Variants in ZNF541 observed in about 807,000 individuals in gnomAD.
ZNF541 encodes the protein zinc finger protein 541.
A neutral mutation model predicts 123.5 loss-of-function variants in ZNF541; 23 were observed. The ratio of observed to expected loss-of-function variants is 0.19; its 90% CI spans 0.13 to 0.26. The LOEUF is 0.26. Ranked by LOEUF, ZNF541 falls within the 10% of genes least tolerant of loss-of-function variation. The pLI is 1.00. For synonymous variants in ZNF541, 751 were observed against 754.5 expected, an observed-to-expected ratio of 1.00 and a Z score of 0.08; for missense variants, 1,612 against 1,789.9, an observed-to-expected ratio of 0.90 and a Z score of 1.79.
At chr19:47,524,356 T>C (rs961911187) in intron 14 of ZNF541, among the ~76,000 whole-genome samples, 6 of 151,920 alleles carry the variant, frequency 3.9e-5, no homozygotes, top group Admixed American at 3.9e-4. Flanking sequence ...ACACAGGTGT[T>C]AGAATGAGCA....
chr19:47,532,817 A>G (rs1969637198), intron 10 of ZNF541, 92 bp downstream of exon 10: 2 of 1,311,440 alleles, frequency 1.5e-6, no homozygotes, highest in African/African-American at 1.5e-5. Context: ...GTAAACCTGA[A>G]CCCCACCATG....
intron 14 of ZNF541, among the ~76,000 whole-genome samples, chr19:47,528,249 A>G (rs1969397419): frequency 7.5e-6 from 1 of 132,604 alleles, no homozygotes; most frequent in Non-Finnish European, 1.6e-5. Context: ...CGGGAGGCGG[A>G]GGTTGCGGTG....
At position 47,538,916 on chromosome 19, in the gene ZNF541, C is replaced by T. The variant is rs78271332; in HGVS notation, c.2797-477G>A. Among the ~76,000 whole-genome samples, 828 of 152,258 alleles carry T rather than the reference C, an allele frequency of 5.4e-3. 5 individuals carry two copies. Among genetic ancestry groups the T allele is most frequent in the Non-Finnish European group, 9.4e-3 (642 of 68,022 alleles). ...GACAAGCCCTACGAGACTGATCACT[C>T]GTAACTCACCATGCTCTCTCTCACT... On this transcript the variant is annotated intron_variant, in intron 8 of 16. Coordinates refer to ENST00000391901, the MANE Select transcript of ZNF541 (RefSeq NM_001277075.3).
chr19:47,545,132 C>G lies in ZNF541; in HGVS notation c.1397G>C (p.Gly466Ala). 1.3e-6 allele frequency: 2 copies of G among 1,482,646 alleles called. No homozygotes were observed. The highest frequency in any genetic ancestry group is 1.3e-5 in the South Asian group (1 of 76,312). 91.8% of individuals were successfully genotyped at this position (1,482,646 alleles called of 1,614,324 possible). Residue 466 changes from glycine to alanine, a missense_variant, in exon 5 of 17, where the codon GGT becomes GCT. Physicochemically the swap from Gly to Ala is moderately conservative, Grantham distance 60. Transcript: ENST00000391901. This position sits in a 1 kb window ranked among gnomAD's most constrained non-coding sequence, Gnocchi z 7.5. ...PSEESPPGPGGGLEDALPFPA... is the reference protein window; with the variant it reads ...PSEESPPGPGAGLEDALPFPA... ...GAAGGGCAGAGCATCCTCCAGGCCACCGCCGGGGCCGGGCGGGGACTCCTC... is the reference window on the plus strand; with the variant it reads ...GAAGGGCAGAGCATCCTCCAGGCCAGCGCCGGGGCCGGGCGGGGACTCCTC...
chr19:47,562,436 C>G (rs1043950417), intron 2 of ZNF541, among the ~76,000 whole-genome samples: 2 of 151,496 alleles, frequency 1.3e-5, no homozygotes, highest in Non-Finnish European at 2.9e-5. Context: ...GCCAGCTACT[C>G]AGGAAGCTGA....
rs573697191 is a variant in ZNF541 at position 47,526,496 on chromosome 19, A to AAAAAAAAAG, written c.3570+2453_3570+2454insCTTTTTTTT. Among the ~76,000 whole-genome samples the AAAAAAAAAG allele has an allele frequency of 8.7e-5, 12 of 137,368 alleles. 1 individual carries two copies. The highest frequency in any genetic ancestry group is 2.7e-4 in the African/African-American group (9 of 33,572). The allele number at this position is 137,368 out of a possible 152,430, so 90.1% of individuals were successfully genotyped here. ...GACTCCATCTCAAAAAAAAAAAAAA[A>AAAAAAAAAG]AAAAGAAAACACAGACATCTCAATA... On this transcript the variant is annotated intron_variant, in intron 14 of 16. Transcript: ENST00000391901.
chr19:47,573,201 T>C (rs976692033), upstream of ZNF541, among the ~76,000 whole-genome samples: 5 of 150,216 alleles, frequency 3.3e-5, no homozygotes, highest in African/African-American at 1.2e-4. Flanking sequence ...CCCCCGGATC[T>C]CCTCGCTCAC....
intron 2 of ZNF541, among the ~76,000 whole-genome samples, chr19:47,556,547 C>T (rs762922986): frequency 7.3e-5 from 11 of 151,510 alleles, no homozygotes; most frequent in African/African-American, 1.9e-4. Flanking sequence ...TGGGCTCAAG[C>T]GATCCTCCCA....
chr19:47,545,693 A>C lies in ZNF541; in HGVS notation c.836T>G (p.Val279Gly). Residue 279 changes from valine (V) to glycine (G), a missense_variant, in exon 5 of 17, where the codon GTG (valine) becomes GGG (glycine). Around this residue, in one of 5 missense-constraint regions of ZNF541, gnomAD observed 1,080 missense variants for 1,013.8 expected, o/e 1.07. Transcript: ENST00000391901. The surrounding 1 kb of genome is among the most constrained non-coding windows in gnomAD (Gnocchi z 7.5). ...LPHRDLLRRI[V>G]SSIVHQKTPS... ...GGTCTTCTGGTGGACGATGCTACTC[A>C]CGATGCGGCGCAGGAGGTCCCGGTG... The C allele has an allele frequency of 6.5e-7, 1 of 1,548,070 alleles. No homozygotes were observed. The highest frequency in any genetic ancestry group is 8.7e-7 in the Non-Finnish European group (1 of 1,146,728).
At chr19:47,534,672 C>G (rs1038393431) in intron 9 of ZNF541, among the ~76,000 whole-genome samples, 3 of 151,656 alleles carry the variant, frequency 2.0e-5, no homozygotes, top group African/African-American at 7.3e-5. Flanking sequence ...AACCACCCCC[C>G]CAAAACAAAA....
At position 47,545,180 on chromosome 19, in the gene ZNF541, C is replaced by G; in HGVS notation, c.1349G>C (p.Gly450Ala). Residue 450 changes from glycine to alanine, a missense_variant, in exon 5 of 17, where the codon GGA (glycine) becomes GCA (alanine). By Grantham distance (60) the Gly-to-Ala change is moderately conservative. Transcript: ENST00000391901. This position sits in a 1 kb window ranked among gnomAD's most constrained non-coding sequence, Gnocchi z 7.5. Reference protein sequence around the residue: ...PSREGSESGPGPSSGSPSEES... With the variant: ...PSREGSESGPAPSSGSPSEES... ...CTCCGAGGGGCTTCCGCTGCTGGGTCCCGGGCCAGACTCGGAGCCCTCCCG... is the reference window on the plus strand; with the variant it reads ...CTCCGAGGGGCTTCCGCTGCTGGGTGCCGGGCCAGACTCGGAGCCCTCCCG... 1.3e-6 allele frequency: 2 copies of G among 1,509,422 alleles called. No individual in the cohort carries two copies. Among genetic ancestry groups the G allele is most frequent in the Non-Finnish European group, 8.9e-7 (1 of 1,126,952 alleles). 93.5% of individuals were successfully genotyped at this position (1,509,422 alleles called of 1,614,324 possible).
In ZNF541 at chr19:47,544,664, C is replaced by T. The variant is rs1337481441; in HGVS notation, c.1865G>A (p.Gly622Asp). The change falls in exon 5 of 17, where the codon GGC (glycine) becomes GAC (aspartate). Residue 622 changes from glycine (G) to aspartate (D), a missense_variant. Around this residue, in one of 5 missense-constraint regions of ZNF541, gnomAD observed 1,080 missense variants for 1,013.8 expected, o/e 1.07. Coordinates refer to ENST00000391901, the MANE Select transcript of ZNF541 (RefSeq NM_001277075.3). ...GGTTTTTCTCCTGCGGGCTGGGGAG[C>T]CCTCTGCCTCGGGGTTTCCAGGGCC... ...HAGPGNPEAEGSPARRRKTTP... is the reference protein window; with the variant it reads ...HAGPGNPEAEDSPARRRKTTP... 1 of 1,538,092 alleles carries T rather than the reference C, an allele frequency of 6.5e-7. No homozygotes were observed. The highest frequency in any genetic ancestry group is 8.8e-7 in the Non-Finnish European group (1 of 1,142,462).
At chr19:47,562,834 T>C (rs1008594564) in intron 2 of ZNF541, among the ~76,000 whole-genome samples, 15 of 152,316 alleles carry the variant, frequency 9.8e-5, no homozygotes, top group African/African-American at 3.6e-4. Context: ...GGCTAAATAA[T>C]GTTCCCCTGT....
chr19:47,545,690 C>T lies in ZNF541; in HGVS notation c.839G>A (p.Ser280Asn), dbSNP rs1194245384. The T allele has an allele frequency of 1.3e-6, 2 of 1,548,278 alleles. No individual in the cohort carries two copies. The highest frequency in any genetic ancestry group is 1.7e-6 in the Non-Finnish European group (2 of 1,146,706). ...PHRDLLRRIV[S>N]SIVHQKTPSP... is the part of the protein sequence containing the mutation. Reference sequence around the variant, plus strand: ...AGGGGTCTTCTGGTGGACGATGCTACTCACGATGCGGCGCAGGAGGTCCCG... The same window carrying T: ...AGGGGTCTTCTGGTGGACGATGCTATTCACGATGCGGCGCAGGAGGTCCCG... Residue 280 changes from serine (S) to asparagine (N), a missense_variant, in exon 5 of 17, where the codon AGT becomes AAT. This residue lies in a region of ZNF541 where 1,080 missense variants were observed against 1,013.8 expected (regional missense o/e 1.07). Transcript: ENST00000391901. This position sits in a 1 kb window ranked among gnomAD's most constrained non-coding sequence, Gnocchi z 7.5.
chr19:47,532,801 A>C, intron 10 of ZNF541, 108 bp downstream of exon 10: 2 of 1,004,490 alleles, frequency 2.0e-6, no homozygotes, highest in Non-Finnish European at 2.9e-6. Flanking sequence ...TAGGGAGCCT[A>C]TGTGAGTAAA....
At chr19:47,555,328 C>T (rs1970772302) in intron 3 of ZNF541, among the ~76,000 whole-genome samples, 1 of 150,734 alleles carries the variant, frequency 6.6e-6, no homozygotes, top group Non-Finnish European at 1.5e-5. Flanking sequence ...TGAGATCGCG[C>T]CACTGCACTC....
chr19:47,552,253 G>T lies in ZNF541; in HGVS notation c.308-2768C>A, dbSNP rs116255203. Among the ~76,000 whole-genome samples the T allele has an allele frequency of 3.3e-3, 510 of 152,250 alleles. 3 individuals are homozygous for T. Among genetic ancestry groups the T allele is most frequent in the African/African-American group, 0.012 (483 of 41,548 alleles). ...GGCCAGGGCATGGGAAGAGCAGGAG[G>T]TTGCTCTAAAGGATCCAATCGTGCA... On this transcript the variant is annotated intron_variant, in intron 3 of 16. Transcript: ENST00000391901.
intron 2 of ZNF541, among the ~76,000 whole-genome samples, chr19:47,557,588 C>T (rs182153244): frequency 1.1e-4 from 16 of 152,176 alleles, no homozygotes; most frequent in African/African-American, 2.9e-4. Flanking sequence ...ATCTGTAACC[C>T]CAACACTTTG....
At chr19:47,539,000 G>C (rs1969958010) in intron 8 of ZNF541, among the ~76,000 whole-genome samples, 1 of 152,118 alleles carries the variant, frequency 6.6e-6, no homozygotes, top group Non-Finnish European at 1.5e-5. Context: ...CTAGGTCTCA[G>C]ATCCCATACC....
Sources: allele counts gnomAD v4.1 joint callset (sites outside exome capture counted in the v4.1 genomes callset), GRCh38; gene constraint gnomAD v4.1.1; regional missense constraint gnomAD v4.1.1; non-coding constraint Gnocchi (gnomAD v3.1); transcripts MANE v1.5; gene names NCBI Gene and HGNC (gene_info 2026-07-23, HGNC 2026-07-21).